VPS54: variants seen among roughly 807,000 people sequenced by gnomAD.
VPS54 encodes the protein vacuolar protein sorting-associated protein 54.
In VPS54, 45 loss-of-function variants were observed where a neutral mutation model predicts 121.5. That is an observed-to-expected ratio of 0.37 (90% confidence interval 0.29 to 0.47). The LOEUF (loss-of-function observed/expected upper bound fraction) is 0.47, where lower values mean the gene tolerates loss of function less well. Ranked by LOEUF, VPS54 falls within the 20% of genes least tolerant of loss-of-function variation. The pLI, the probability that VPS54 is intolerant of heterozygous loss-of-function variation, is 0.99. For synonymous variants in VPS54, 371 were observed against 385.8 expected, an observed-to-expected ratio of 0.96 and a Z score of 0.45; for missense variants, 1,090 against 1,131.4, an observed-to-expected ratio of 0.96 and a Z score of 0.52.
intron 2 of VPS54, among the ~76,000 whole-genome samples, chr2:63,982,185 A>T (rs1676830007): frequency 6.7e-6 from 1 of 149,572 alleles, no homozygotes; most frequent in Non-Finnish European, 1.5e-5. Context: ...TTAATGTACA[A>T]TTACTCTATC....
chr2:64,004,810 T>G (rs1678048666), intron 1 of VPS54, among the ~76,000 whole-genome samples: 1 of 152,190 alleles, frequency 6.6e-6, no homozygotes, highest in Admixed American at 6.5e-5. Context: ...AGACAGGCTC[T>G]CACTGTCACC....
intron 7 of VPS54, among the ~76,000 whole-genome samples, chr2:63,952,007 C>T (rs189552248): frequency 1.3e-5 from 2 of 152,274 alleles, no homozygotes; most frequent in Admixed American, 1.3e-4. Flanking sequence ...TGGTAGCTCC[C>T]TAGTCATTCA....
At chr2:63,952,635 G>A (rs755121842) in intron 7 of VPS54, among the ~76,000 whole-genome samples, 4 of 152,106 alleles carry the variant, frequency 2.6e-5, no homozygotes, top group Admixed American at 2.6e-4. Context: ...AAACAAATCT[G>A]ATAAGTGAAA....
chr2:63,912,104 TGA>T (rs999708574), intron 20 of VPS54, among the ~76,000 whole-genome samples: 1 of 152,184 alleles, frequency 6.6e-6, no homozygotes, highest in Non-Finnish European at 1.5e-5. Flanking sequence ...AAAATTTTGT[TGA>T]GTTGTTTTCT....
chr2:63,934,193 G>T (rs1372211215), intron 11 of VPS54, among the ~76,000 whole-genome samples, 180 bp from the exon 12 acceptor site: 1 of 152,094 alleles, frequency 6.6e-6, no homozygotes, highest in Non-Finnish European at 1.5e-5. Flanking sequence ...AAAAGAACTG[G>T]CCAGGAGAAA....
At chr2:63,956,040 T>A (rs1240251794) in intron 7 of VPS54, among the ~76,000 whole-genome samples, 2 of 152,138 alleles carry the variant, frequency 1.3e-5, no homozygotes, top group African/African-American at 4.8e-5. Flanking sequence ...TGCCTCAATT[T>A]GCACATTAAT....
At chr2:63,934,083 T>C in intron 11 of VPS54, 70 bp from the exon 12 acceptor site, 1 of 1,352,004 alleles carries the variant, frequency 7.4e-7, no homozygotes, top group Non-Finnish European at 1.0e-6. Context: ...AAAAGAGAAT[T>C]CTGTGCATGT....
chr2:63,932,140 G>C (rs1027402656), intron 12 of VPS54, among the ~76,000 whole-genome samples: 2 of 152,174 alleles, frequency 1.3e-5, no homozygotes, highest in Non-Finnish European at 2.9e-5. Context: ...ATTTGACCCA[G>C]ACATCCCATT....
In VPS54 at chr2:63,892,765, T is replaced by TAA. The variant is rs1672275618; in HGVS notation, c.*663_*664dup. 6.6e-6 allele frequency: 1 copy of TAA among 152,376 alleles called. No homozygotes were observed. Among genetic ancestry groups the TAA allele is most frequent in the African/African-American group, 2.4e-5 (1 of 41,392 alleles). 9.4% of individuals were successfully genotyped at this position (152,376 alleles called of 1,614,324 possible). Reference sequence around the variant, plus strand: ...AGTATTAATTACTTAAAAAAAGGCTTAAGTCTTTCAGGTATTTAGAGAGCT... The same window carrying TAA: ...AGTATTAATTACTTAAAAAAAGGCTTAAAAGTCTTTCAGGTATTTAGAGAGCT... On this transcript the variant is annotated 3_prime_UTR_variant, in exon 23 of 23. Coordinates refer to ENST00000272322, the MANE Select transcript of VPS54 (RefSeq NM_016516.3).
intron 18 of VPS54, 128 bp downstream of exon 18, chr2:63,913,095 A>T (rs1249464596): frequency 7.1e-6 from 5 of 705,134 alleles, no homozygotes; most frequent in Non-Finnish European, 1.1e-5. Flanking sequence ...AAGAGTAAGT[A>T]GCATTTATTT....
chr2:63,995,676 CTG>C (rs1293955753), intron 1 of VPS54, among the ~76,000 whole-genome samples: 1 of 152,234 alleles, frequency 6.6e-6, no homozygotes, highest in Non-Finnish European at 1.5e-5. Flanking sequence ...TTAAGACAGT[CTG>C]TTATTTGGCT....
At chr2:63,982,260 C>T (rs1005550420) in intron 2 of VPS54, among the ~76,000 whole-genome samples, 17 of 151,852 alleles carry the variant, frequency 1.1e-4, no homozygotes, top group African/African-American at 4.1e-4. Context: ...TAATACCCCA[C>T]TGTTTTTTAG....
intron 7 of VPS54, among the ~76,000 whole-genome samples, chr2:63,958,710 C>CAT (rs1214775796): frequency 2.0e-5 from 3 of 151,886 alleles, no homozygotes; most frequent in East Asian, 3.9e-4. Flanking sequence ...GGCAAGACTG[C>CAT]ATATATATAT....
intron 11 of VPS54, among the ~76,000 whole-genome samples, chr2:63,936,405 G>T (rs1674454868): frequency 2.0e-5 from 3 of 152,092 alleles, no homozygotes; most frequent in Admixed American, 2.0e-4. Flanking sequence ...CTATTACACA[G>T]TCTATAGACA....
At chr2:63,976,370 A>C (rs1676531859) in intron 3 of VPS54, among the ~76,000 whole-genome samples, 2 of 151,350 alleles carry the variant, frequency 1.3e-5, no homozygotes, top group Admixed American at 1.3e-4. Context: ...AAAAACAAAA[A>C]ACAAAAAAAC....
intron 13 of VPS54, 73 bp from the exon 14 acceptor site, chr2:63,920,700 GATT>G (rs1268142664): frequency 1.0e-4 from 84 of 829,058 alleles, no homozygotes; most frequent in Non-Finnish European, 1.3e-4. Flanking sequence ...TTAGTTTAAC[GATT>G]ATTATAATCT....
At chr2:63,934,990 T>C (rs1356058665) in intron 11 of VPS54, among the ~76,000 whole-genome samples, 5 of 152,170 alleles carry the variant, frequency 3.3e-5, no homozygotes, top group Non-Finnish European at 7.4e-5. Flanking sequence ...TCTACATGGT[T>C]CTAGGGAAGC....
intron 12 of VPS54, among the ~76,000 whole-genome samples, chr2:63,923,268 A>ATC (rs1673732621): frequency 6.6e-6 from 1 of 151,542 alleles, no homozygotes; most frequent in Non-Finnish European, 1.5e-5. Flanking sequence ...GTGAGCCGAG[A>ATC]TCGCACCACT....
chr2:63,958,032 GAAA>G (rs752168719), intron 7 of VPS54, among the ~76,000 whole-genome samples: 2 of 149,420 alleles, frequency 1.3e-5, no homozygotes, highest in Admixed American at 1.3e-4. Flanking sequence ...TTATAGACAG[GAAA>G]AAAAAAGAGT....
Sources: gnomAD v4.1 joint callset for allele counts (sites outside exome capture counted in the v4.1 genomes callset) on GRCh38, gnomAD v4.1.1 for gene constraint, MANE v1.5 for transcripts, NCBI Gene and HGNC (gene_info 2026-07-23, HGNC 2026-07-21) for gene names.